Variants in MYRFL observed in about 807,000 individuals in gnomAD.
MYRFL encodes myelin regulatory factor like.
Under a neutral mutation model 109.4 loss-of-function variants are expected in MYRFL, and 88 were observed. The observed-to-expected ratio is 0.80, with a 90% CI of 0.68 to 0.96. The LOEUF is 0.96. Among genes scored for constraint, MYRFL ranks in the 40% least tolerant of loss-of-function variants. The probability of loss-of-function intolerance (pLI) is 0.00; values close to 1 mark genes in which losing one functional copy is unlikely to be tolerated. For synonymous variants in MYRFL, 324 were observed against 320.9 expected, an observed-to-expected ratio of 1.01 and a Z score of -0.10; for missense variants, 957 against 954.9, an observed-to-expected ratio of 1.00 and a Z score of -0.03.
chr12:69,944,814 G>A (rs1433473385), intron 19 of MYRFL, among the ~76,000 whole-genome samples: 1 of 152,090 alleles, frequency 6.6e-6, no homozygotes, highest in Admixed American at 6.5e-5. Context: ...CCACCAAGGC[G>A]TGTGTATACC....
chr12:69,905,659 AT>A (rs1269824367), intron 11 of MYRFL, among the ~76,000 whole-genome samples: 1 of 152,178 alleles, frequency 6.6e-6, no homozygotes, highest in African/African-American at 2.4e-5. Context: ...TATGTAAGGT[AT>A]TTTTTAGCCA....
At chr12:69,953,590 G>A (rs1956030372) in intron 21 of MYRFL, among the ~76,000 whole-genome samples, 1 of 151,836 alleles carries the variant, frequency 6.6e-6, no homozygotes, top group African/African-American at 2.4e-5. Flanking sequence ...GCAACATGAT[G>A]AGATCCTGTC....
In MYRFL at chr12:69,932,153, C is replaced by T. The variant is rs544891389; in HGVS notation, c.1831-360C>T. On this transcript the variant is annotated intron_variant, in intron 15 of 24. Transcript: ENST00000552032. ...TCTTTTGATTTTCAAAAGTATCCTA[C>T]TCAAAGAGATGCACATCATCTGTGG... 6.2e-5 allele frequency among the ~76,000 whole-genome samples: 9 copies of T among 144,556 alleles called. No individual in the cohort carries two copies. In the East Asian group the frequency reaches 1.0e-3, roughly 16 times the overall value. 94.8% of individuals were successfully genotyped at this position (144,556 alleles called of 152,430 possible).
chr12:69,831,620 G>A (rs552735253), intron 1 of MYRFL, among the ~76,000 whole-genome samples: 11 of 152,228 alleles, frequency 7.2e-5, no homozygotes, highest in African/African-American at 2.4e-4. Context: ...TCAAAATGTT[G>A]TGAAGCACTA....
intron 10 of MYRFL, among the ~76,000 whole-genome samples, chr12:69,900,066 A>C (rs1954130903): frequency 6.6e-6 from 1 of 152,152 alleles, no homozygotes; most frequent in Non-Finnish European, 1.5e-5. Context: ...TCTGCCTTTC[A>C]AAGACACTCT....
chr12:69,916,838 CAAAT>C (rs780845407), intron 13 of MYRFL, among the ~76,000 whole-genome samples: 2 of 152,272 alleles, frequency 1.3e-5, no homozygotes, highest in Non-Finnish European at 2.9e-5. Context: ...TTCATTTTCT[CAAAT>C]AAGCTGGGCC....
At chr12:69,829,367 G>GC (rs1426150527) in intron 1 of MYRFL, among the ~76,000 whole-genome samples, 1 of 152,096 alleles carries the variant, frequency 6.6e-6, no homozygotes, top group Non-Finnish European at 1.5e-5. Context: ...CCACGGAAGT[G>GC]CCCCATGTTC....
rs562907661 is a variant in MYRFL at position 69,881,451 on chromosome 12, G to A, written c.556+1159G>A. Among the ~76,000 whole-genome samples the A allele has an allele frequency of 3.1e-4, 47 of 152,346 alleles. 1 individual carries two copies. The highest frequency in any genetic ancestry group is 1.1e-3 in the African/African-American group (46 of 41,590). ...TCTAGAGGTTTACACTGTCCAGAAAGGAGATGTGCGTGGCTTCACCTGAGT... is the reference window on the plus strand; with the variant it reads ...TCTAGAGGTTTACACTGTCCAGAAAAGAGATGTGCGTGGCTTCACCTGAGT... On this transcript the variant is annotated intron_variant, in intron 5 of 24. Transcript: ENST00000552032.
intron 19 of MYRFL, among the ~76,000 whole-genome samples, chr12:69,951,809 C>T (rs1955983345): frequency 6.6e-6 from 1 of 152,194 alleles, no homozygotes; most frequent in African/African-American, 2.4e-5. Context: ...TTAATCACTG[C>T]TTTAAAGGCC....
chr12:69,865,733 C>G (rs1308720560), intron 2 of MYRFL, among the ~76,000 whole-genome samples: 1 of 152,076 alleles, frequency 6.6e-6, no homozygotes, highest in Non-Finnish European at 1.5e-5. Flanking sequence ...AATAATGGTC[C>G]TTCCTACCAG....
At chr12:69,895,515 TG>T in intron 9 of MYRFL, 34 bp downstream of exon 9, 1 of 1,513,814 alleles carries the variant, frequency 6.6e-7, no homozygotes, top group Non-Finnish European at 8.9e-7. Context: ...GCAGTGTGGC[TG>T]GGTACTTTAT....
chr12:69,947,777 G>C (rs951862090), intron 19 of MYRFL, among the ~76,000 whole-genome samples: 2 of 152,160 alleles, frequency 1.3e-5, no homozygotes, highest in Non-Finnish European at 2.9e-5. Flanking sequence ...GCCATCGACT[G>C]GTGGGGCTCA....
intron 13 of MYRFL, among the ~76,000 whole-genome samples, chr12:69,918,855 T>C (rs970007158): frequency 1.3e-5 from 2 of 152,192 alleles, no homozygotes; most frequent in African/African-American, 4.8e-5. Context: ...TCTTTCCTGG[T>C]ACTTTCAAAA....
At chr12:69,894,100 G>T (rs747076993) in intron 8 of MYRFL, among the ~76,000 whole-genome samples, 2 of 148,748 alleles carry the variant, frequency 1.3e-5, no homozygotes, top group Non-Finnish European at 3.0e-5. Context: ...GGGTTCAAGG[G>T]ATTCTCCTGC....
At chr12:69,893,152 A>AAC (rs1335195370) in intron 7 of MYRFL, among the ~76,000 whole-genome samples, 1 of 152,236 alleles carries the variant, frequency 6.6e-6, no homozygotes, top group Non-Finnish European at 1.5e-5. Context: ...GTAGGCCACC[A>AAC]GTTGCTTTCT....
intron 10 of MYRFL, 55 bp from the exon 11 acceptor site, chr12:69,903,589 T>G: frequency 6.7e-7 from 1 of 1,501,138 alleles, no homozygotes; most frequent in Non-Finnish European, 8.9e-7. Context: ...ACTAATGTGA[T>G]CATCTATTCC....
chr12:69,903,728 C>G lies in MYRFL; in HGVS notation c.1267C>G (p.Arg423Gly). The G allele has an allele frequency of 6.5e-7, 1 of 1,535,784 alleles. No individual in the cohort carries two copies. The highest frequency in any genetic ancestry group is 8.7e-7 in the Non-Finnish European group (1 of 1,146,690). The change falls in exon 11 of 25, where the codon CGA becomes GGA. Residue 423 changes from arginine to glycine, a missense_variant. Coordinates refer to ENST00000552032, the MANE Select transcript of MYRFL (RefSeq NM_182530.3). ...TCCAGAATCTATTGTCTGTCACGGTCGAGTAGGAATCAACACAGATGCGCC... is the reference window on the plus strand; with the variant it reads ...TCCAGAATCTATTGTCTGTCACGGTGGAGTAGGAATCAACACAGATGCGCC... ...QVPESIVCHGRVGINTDAPDE... is the reference protein window; with the variant it reads ...QVPESIVCHGGVGINTDAPDE...
intron 6 of MYRFL, among the ~76,000 whole-genome samples, chr12:69,888,729 T>C (rs1009656034): frequency 5.3e-5 from 8 of 152,334 alleles, no homozygotes; most frequent in Middle Eastern, 3.4e-3. Context: ...CAGTGAAGCA[T>C]AAAACATCAC....
chr12:69,880,950 TG>T (rs1886046435), intron 5 of MYRFL, among the ~76,000 whole-genome samples: 1 of 100,602 alleles, frequency 9.9e-6, no homozygotes, highest in Admixed American at 1.1e-4. Flanking sequence ...TCAGCCTTCC[TG>T]TTTTTTTTTT....
Sources: allele counts gnomAD v4.1 joint callset (sites outside exome capture counted in the v4.1 genomes callset), GRCh38; gene constraint gnomAD v4.1.1; transcripts MANE v1.5; gene names NCBI Gene and HGNC (gene_info 2026-07-23, HGNC 2026-07-21).